TSPAN9: variants seen among roughly 807,000 people sequenced by gnomAD.
TSPAN9 encodes tetraspanin-9.
A neutral mutation model predicts 31.0 loss-of-function variants in TSPAN9; 16 were observed. The ratio of observed to expected loss-of-function variants is 0.52; its 90% confidence interval spans 0.35 to 0.78. TSPAN9 has a LOEUF of 0.78. TSPAN9 is among the 30% of genes least tolerant of loss of function. The pLI, the probability that TSPAN9 is intolerant of heterozygous loss-of-function variation, is 0.01. For synonymous variants in TSPAN9, 145 were observed against 121.6 expected (o/e 1.19, Z -1.27); for missense variants, 272 against 312.5 (o/e 0.87, Z 0.98).
intron 3 of TSPAN9, among the ~76,000 whole-genome samples, chr12:3,235,663 C>T (rs2098393388): frequency 6.6e-6 from 1 of 152,184 alleles, no homozygotes; most frequent in African/African-American, 2.4e-5. Context: ...CATCCTGTCT[C>T]CCACCCTCTG....
chr12:3,252,464 C>G (rs1003231634), intron 3 of TSPAN9, among the ~76,000 whole-genome samples: 1 of 152,212 alleles, frequency 6.6e-6, no homozygotes, highest in African/African-American at 2.4e-5. Context: ...AATCCCAGCC[C>G]CTGGGCTCCC....
intron 2 of TSPAN9, among the ~76,000 whole-genome samples, chr12:3,191,531 T>TAGAG (rs2098364417): frequency 6.6e-6 from 1 of 152,316 alleles, no homozygotes; most frequent in African/African-American, 2.4e-5. Context: ...GTTGAGCAAC[T>TAGAG]AGAGGCCACA....
chr12:3,081,844 G>GTATATA (rs57307487), intron 1 of TSPAN9, among the ~76,000 whole-genome samples: 13 of 116,768 alleles, frequency 1.1e-4, no homozygotes, highest in African/African-American at 4.0e-4. Context: ...GTCTGTGTGT[G>GTATATA]TATATATATG....
chr12:3,197,837 CCACCAGCACAGGT>C (rs1382501806), intron 2 of TSPAN9, among the ~76,000 whole-genome samples: 1,013 of 33,866 alleles, frequency 0.03, 98 homozygotes, highest in East Asian at 0.076. Flanking sequence ...GCACAGGCCA[CCACCAGCACAGGT>C]CACCAGCACA....
chr12:3,174,380 G>T (rs1433437169), intron 2 of TSPAN9, among the ~76,000 whole-genome samples: 1 of 151,954 alleles, frequency 6.6e-6, no homozygotes, highest in East Asian at 1.9e-4. Context: ...TCCCTCATTT[G>T]TAAGGAGAGT....
chr12:3,273,071 G>A (rs1360851914), intron 3 of TSPAN9: 1 of 152,266 alleles, frequency 6.6e-6, no homozygotes, highest in Non-Finnish European at 1.5e-5. Flanking sequence ...GATGACTTGA[G>A]GCTTTTCTCT....
chr12:3,165,761 G>T (rs2098348055), intron 2 of TSPAN9, among the ~76,000 whole-genome samples: 1 of 152,190 alleles, frequency 6.6e-6, no homozygotes, highest in Non-Finnish European at 1.5e-5. Context: ...CTGAGCAGAG[G>T]TTTAATTTAT....
chr12:3,092,154 C>T (rs938740640), intron 2 of TSPAN9, among the ~76,000 whole-genome samples: 2 of 152,190 alleles, frequency 1.3e-5, no homozygotes, highest in African/African-American at 4.8e-5. Flanking sequence ...ACTGAGGGCT[C>T]GCTAGCTTGA....
Position 3,285,169 on chromosome 12 carries a change from G to C in TSPAN9, c.*2053G>C, listed in dbSNP as rs1862990593. 1 of 151,038 alleles carries C rather than the reference G, an allele frequency of 6.6e-6. No homozygotes were observed. The highest frequency in any genetic ancestry group is 1.5e-5 in the Non-Finnish European group (1 of 67,918). 9.4% of individuals were successfully genotyped at this position (151,038 alleles called of 1,614,324 possible). A position where few individuals can be genotyped will look rare whatever the true frequency, so the allele number is the denominator to read the frequency against. ...AGCCGCCTCCGCAGGAACCCCCAAA[G>C]TGCAGATTCCGGAGCAGACACATCC... On this transcript the variant is annotated 3_prime_UTR_variant, in exon 9 of 9. Transcript: ENST00000011898.
chr12:3,166,321 A>G (rs1488494369), intron 2 of TSPAN9, among the ~76,000 whole-genome samples: 2 of 152,148 alleles, frequency 1.3e-5, no homozygotes, highest in Non-Finnish European at 2.9e-5. Flanking sequence ...AACGTTCCAT[A>G]TTTTGCACTT....
chr12:3,083,101 T>C (rs2098298709), intron 1 of TSPAN9, among the ~76,000 whole-genome samples: 1 of 152,252 alleles, frequency 6.6e-6, no homozygotes, highest in South Asian at 2.1e-4. Flanking sequence ...TCTGCTGCAG[T>C]TTTATTTCTC....
At chr12:3,266,707 C>A (rs928309061) in intron 3 of TSPAN9, among the ~76,000 whole-genome samples, 1 of 152,216 alleles carries the variant, frequency 6.6e-6, no homozygotes, top group Non-Finnish European at 1.5e-5. Flanking sequence ...CCATCTCTGG[C>A]AGAGAGACCT....
chr12:3,167,347 T>C (rs1013613060), intron 2 of TSPAN9, among the ~76,000 whole-genome samples: 1 of 152,204 alleles, frequency 6.6e-6, no homozygotes, highest in Non-Finnish European at 1.5e-5. Context: ...AGTTAGCTAC[T>C]CTGTGCCAGC....
chr12:3,174,297 C>T (rs12821860), intron 2 of TSPAN9, among the ~76,000 whole-genome samples: 3,533 of 152,222 alleles, frequency 0.023, 66 homozygotes, highest in Non-Finnish European at 0.037. Context: ...AAACTCCTGG[C>T]CTCAAGCGAT....
intron 1 of TSPAN9, among the ~76,000 whole-genome samples, chr12:3,078,056 G>T (rs1365040201): frequency 2.0e-5 from 3 of 152,206 alleles, no homozygotes; most frequent in Non-Finnish European, 4.4e-5. Context: ...GCTTGTTGTT[G>T]TAAGAGCAAT....
At chr12:3,141,644 G>A (rs556605512) in intron 2 of TSPAN9, among the ~76,000 whole-genome samples, 55 of 152,234 alleles carry the variant, frequency 3.6e-4, no homozygotes, top group Middle Eastern at 3.4e-3. Flanking sequence ...CGGTGTGCAC[G>A]TGTCTCTCCA....
chr12:3,150,668 C>T (rs7966611), intron 2 of TSPAN9, among the ~76,000 whole-genome samples: 34,554 of 152,100 alleles, frequency 0.23, 4,470 homozygotes, highest in Non-Finnish European at 0.31. Flanking sequence ...GGGCCTCAGA[C>T]TCTCTGAGCC....
At position 3,283,828 on chromosome 12, in the gene TSPAN9, C is replaced by T. The variant is rs71577823; in HGVS notation, c.*712C>T. On this transcript the variant is annotated 3_prime_UTR_variant, in exon 9 of 9. Coordinates refer to ENST00000011898, the MANE Select transcript of TSPAN9 (RefSeq NM_006675.5). ...CACCGTGCGACACCCAGGAGGCTCT[C>T]GGATGGGGCGCGCCTGCGCCCTCAG... 5,500 of 152,650 alleles carry T rather than the reference C, an allele frequency of 0.036. 198 individuals carry two copies. Among genetic ancestry groups the T allele is most frequent in the African/African-American group, 0.094 (3,905 of 41,548 alleles). The allele number at this position is 152,650 out of a possible 1,614,324, so 9.5% of individuals were successfully genotyped here.
chr12:3,249,862 T>G (rs766579754), intron 3 of TSPAN9, among the ~76,000 whole-genome samples: 7 of 152,244 alleles, frequency 4.6e-5, no homozygotes, highest in Non-Finnish European at 1.0e-4. Context: ...CCTCCTGCAA[T>G]GCTGCACCTT....
Sources: allele counts gnomAD v4.1 joint callset (sites outside exome capture counted in the v4.1 genomes callset), GRCh38; gene constraint gnomAD v4.1.1; transcripts MANE v1.5; gene names NCBI Gene and HGNC (gene_info 2026-07-23, HGNC 2026-07-21).